Variants in NTNG1 observed in about 807,000 individuals in gnomAD.
The protein encoded by NTNG1 is netrin G1.
In NTNG1, 16 loss-of-function variants were observed where a neutral mutation model predicts 54.0. That is an observed-to-expected ratio of 0.30 (90% CI 0.20 to 0.45). The LOEUF (loss-of-function observed/expected upper bound fraction) is 0.45. Among genes scored for constraint, NTNG1 ranks in the 20% least tolerant of loss-of-function variants. NTNG1 has a pLI of 1.00. For missense variants in NTNG1, 530 were observed against 678.7 expected (o/e 0.78, Z 2.43); for synonymous variants, 255 against 263.1 (o/e 0.97, Z 0.30).
chr1:107,390,941 G>C (rs1672319712), intron 3 of NTNG1, among the ~76,000 whole-genome samples: 2 of 152,284 alleles, frequency 1.3e-5, no homozygotes, highest in Non-Finnish European at 2.9e-5. Context: ...TTATGTCATA[G>C]GAGCACACAG....
intron 2 of NTNG1, among the ~76,000 whole-genome samples, chr1:107,183,439 A>AT (rs1198641923): frequency 6.6e-6 from 1 of 152,108 alleles, no homozygotes; most frequent in East Asian, 1.9e-4. Flanking sequence ...ATTTAAATAT[A>AT]TTTTTTCTAC....
At chr1:107,287,568 T>C (rs527666195) in intron 2 of NTNG1, among the ~76,000 whole-genome samples, 8 of 152,290 alleles carry the variant, frequency 5.3e-5, no homozygotes, top group Non-Finnish European at 1.2e-4. Flanking sequence ...GGCAATGTAG[T>C]GAGACCTTGG....
At chr1:107,382,840 A>T (rs1442795889) in intron 3 of NTNG1, among the ~76,000 whole-genome samples, 1 of 151,378 alleles carries the variant, frequency 6.6e-6, no homozygotes, top group Admixed American at 6.6e-5. Context: ...AGGCTTATTA[A>T]CAAAAGTAGG....
At chr1:107,286,092 A>G (rs1665181356) in intron 2 of NTNG1, among the ~76,000 whole-genome samples, 1 of 152,138 alleles carries the variant, frequency 6.6e-6, no homozygotes, top group Non-Finnish European at 1.5e-5. Flanking sequence ...GCAGATGTAA[A>G]GGCTATGGGA....
chr1:107,483,980 C>T lies in NTNG1; in HGVS notation c.*3140C>T, dbSNP rs187216363. On this transcript the variant is annotated 3_prime_UTR_variant, in exon 8 of 8. Coordinates refer to ENST00000370068, the MANE Select transcript of NTNG1 (RefSeq NM_001113226.3). ...CCTTGCTTAGAGAGACCCATTCTGA[C>T]TCTCCTCCAGCTTTCTCCCAGATAT... is the stretch of plus-strand genomic sequence containing the variant. 2.0e-5 allele frequency among the ~76,000 whole-genome samples: 3 copies of T among 152,320 alleles called. No homozygotes were observed. Among genetic ancestry groups the T allele is most frequent in the Admixed American group, 6.5e-5 (1 of 15,312 alleles).
chr1:107,374,592 T>A (rs1393219726), intron 3 of NTNG1, among the ~76,000 whole-genome samples: 1 of 152,090 alleles, frequency 6.6e-6, no homozygotes, highest in Non-Finnish European at 1.5e-5. Context: ...TATCTATATA[T>A]TCTATTACTT....
rs57282130 is a variant in NTNG1 at position 107,367,065 on chromosome 1, C to CGTGTGT, written c.888-28064_888-28059dup. ...AAAGGAACAATGTCTTTTATCTGTT[C>CGTGTGT]GTGTGTGTGTGTGTGTGTGTGTGTG... On this transcript the variant is annotated intron_variant, in intron 3 of 7. Transcript: ENST00000370068. Among the ~76,000 whole-genome samples, 1,297 of 148,432 alleles carry CGTGTGT rather than the reference C, an allele frequency of 8.7e-3. 6 individuals carry two copies. Among genetic ancestry groups the CGTGTGT allele is most frequent in the African/African-American group, 0.01 (411 of 40,556 alleles).
chr1:107,143,110 C>T (rs1653847612), intron 1 of NTNG1: 2 of 151,908 alleles, frequency 1.3e-5, no homozygotes, highest in South Asian at 2.1e-4. Flanking sequence ...TATATTTCAC[C>T]CACTGAAGAC....
At chr1:107,169,268 C>T (rs546003837) in intron 2 of NTNG1, among the ~76,000 whole-genome samples, 8 of 152,090 alleles carry the variant, frequency 5.3e-5, no homozygotes, top group African/African-American at 1.7e-4. Context: ...GAGGACTGGC[C>T]CTTGGCCAAG....
chr1:107,231,170 C>T (rs1661040126), intron 2 of NTNG1, among the ~76,000 whole-genome samples: 1 of 152,142 alleles, frequency 6.6e-6, no homozygotes, highest in East Asian at 1.9e-4. Context: ...ACTACCTGTA[C>T]AATAAAAGAT....
intron 2 of NTNG1, among the ~76,000 whole-genome samples, chr1:107,275,720 C>G (rs1348484682): frequency 6.6e-6 from 1 of 152,250 alleles, no homozygotes; most frequent in Non-Finnish European, 1.5e-5. Context: ...TATTCACTAA[C>G]TGGATGGAGC....
chr1:107,199,079 G>T (rs568382007), intron 2 of NTNG1, among the ~76,000 whole-genome samples: 1 of 151,402 alleles, frequency 6.6e-6, no homozygotes, highest in Non-Finnish European at 1.5e-5. Flanking sequence ...TTGAAAAGTT[G>T]AAATTTCTTG....
chr1:107,143,511 A>G (rs1205600400), intron 1 of NTNG1: 1 of 145,218 alleles, frequency 6.9e-6, no homozygotes, highest in Non-Finnish European at 1.6e-5. Context: ...CAAAGGCATC[A>G]AGTCACTTGG....
intron 3 of NTNG1, among the ~76,000 whole-genome samples, chr1:107,338,943 G>C (rs1005049803): frequency 6.6e-6 from 1 of 151,838 alleles, no homozygotes; most frequent in African/African-American, 2.4e-5. Context: ...CTTTGGAAAA[G>C]TGTTTTTAAA....
intron 7 of NTNG1, among the ~76,000 whole-genome samples, chr1:107,451,614 A>ACT (rs1676633483): frequency 6.6e-6 from 1 of 152,126 alleles, no homozygotes; most frequent in Non-Finnish European, 1.5e-5. Context: ...TTTTGACATG[A>ACT]ATGTATTAGT....
intron 3 of NTNG1, among the ~76,000 whole-genome samples, chr1:107,329,246 C>A (rs1402145001): frequency 6.6e-6 from 1 of 152,156 alleles, no homozygotes. Context: ...ATCACACTCT[C>A]CCTGCCTAAT....
At chr1:107,274,396 C>T (rs1664338759) in intron 2 of NTNG1, among the ~76,000 whole-genome samples, 1 of 152,184 alleles carries the variant, frequency 6.6e-6, no homozygotes. Context: ...GTAATAACAA[C>T]TGGAAACACT....
At chr1:107,342,099 G>T (rs536165599) in intron 3 of NTNG1, among the ~76,000 whole-genome samples, 1 of 151,978 alleles carries the variant, frequency 6.6e-6, no homozygotes, top group Admixed American at 6.6e-5. Flanking sequence ...TTTAGTAGTC[G>T]TATTTTATAT....
intron 7 of NTNG1, among the ~76,000 whole-genome samples, chr1:107,440,168 A>C (rs553151455): frequency 9.9e-5 from 15 of 152,188 alleles, no homozygotes; most frequent in African/African-American, 3.1e-4. Context: ...GCAGTAGGAG[A>C]TATCAGGAAG....
Sources: gnomAD v4.1 joint callset for allele counts (sites outside exome capture counted in the v4.1 genomes callset) on GRCh38, gnomAD v4.1.1 for gene constraint, MANE v1.5 for transcripts, NCBI Gene and HGNC (gene_info 2026-07-23, HGNC 2026-07-21) for gene names.